PIBF1: variants seen among roughly 807,000 people sequenced by gnomAD.
PIBF1 encodes the protein progesterone-induced-blocking factor 1.
Under a neutral mutation model 112.5 loss-of-function variants are expected in PIBF1, and 90 were observed. The ratio of observed to expected loss-of-function variants is 0.80; its 90% CI spans 0.67 to 0.95. PIBF1 has a LOEUF of 0.95. PIBF1 is among the 40% of genes least tolerant of loss of function. The pLI is 0.00. For synonymous variants in PIBF1, 301 were observed against 288.6 expected, an observed-to-expected ratio of 1.04 and a Z score of -0.44; for missense variants, 915 against 852.3, an observed-to-expected ratio of 1.07 and a Z score of -0.92.
intron 12 of PIBF1, among the ~76,000 whole-genome samples, chr13:72,912,103 G>A (rs2040916428): frequency 6.6e-6 from 1 of 152,170 alleles, no homozygotes; most frequent in South Asian, 2.1e-4. Flanking sequence ...CTCTGAAAAA[G>A]CTGGAAAAGG....
At position 72,832,906 on chromosome 13, in the gene PIBF1, A is replaced by G. The variant is rs576077546; in HGVS notation, c.1098-2337A>G. On this transcript the variant is annotated intron_variant, in intron 8 of 17. Transcript: ENST00000326291. The stretch of plus-strand genomic sequence containing the variant: ...GTCCCCATCACTTTCAGGTACACCA[A>G]TCAAACGTATTTTTGTCTTTTCACG... 2.5e-4 allele frequency among the ~76,000 whole-genome samples: 16 copies of G among 64,172 alleles called. No homozygotes were observed. In the East Asian group the frequency reaches 4.9e-3, roughly 20 times the overall value. 42.1% of individuals were successfully genotyped at this position (64,172 alleles called of 152,430 possible).
chr13:73,001,609 G>T, intron 17 of PIBF1, among the ~76,000 whole-genome samples: 5 of 15,814 alleles, frequency 3.2e-4, no homozygotes, highest in Non-Finnish European at 5.2e-4. Context: ...TTGACACTTA[G>T]GTCTTCTTCT....
At chr13:72,927,597 G>T (rs2138743440) in intron 13 of PIBF1, among the ~76,000 whole-genome samples, 1 of 152,210 alleles carries the variant, frequency 6.6e-6, no homozygotes, top group Admixed American at 6.5e-5. Context: ...ATGTTGGCCA[G>T]GCTGGTCTCA....
intron 2 of PIBF1, among the ~76,000 whole-genome samples, chr13:72,790,459 ACACACTTATAGATAGAT>A (rs1316434433): frequency 4.1e-5 from 6 of 146,722 alleles, no homozygotes; most frequent in African/African-American, 1.3e-4. Context: ...ACACACACAC[ACACACTTATAGATAGAT>A]CACACACACC....
At chr13:72,783,159 C>A (rs1227582240) in intron 1 of PIBF1, among the ~76,000 whole-genome samples, 2 of 152,058 alleles carry the variant, frequency 1.3e-5, no homozygotes, top group Non-Finnish European at 2.9e-5. Flanking sequence ...CTTTTTTCTT[C>A]ATCTTGTACA....
intron 10 of PIBF1, among the ~76,000 whole-genome samples, chr13:72,855,553 GCACGAGAGT>G (rs927981261): frequency 2.6e-5 from 4 of 152,170 alleles, no homozygotes; most frequent in African/African-American, 9.6e-5. Context: ...GAAGGCTGAG[GCACGAGAGT>G]CACTTGAACC....
chr13:72,789,260 C>T (rs1461208130), intron 2 of PIBF1, among the ~76,000 whole-genome samples: 3 of 152,154 alleles, frequency 2.0e-5, no homozygotes, highest in Admixed American at 6.5e-5. Flanking sequence ...TCACAGCTCT[C>T]TGCAGCCTCA....
intron 13 of PIBF1, among the ~76,000 whole-genome samples, chr13:72,928,006 CATATATAT>C (rs34525341): frequency 4.2e-4 from 43 of 101,802 alleles, no homozygotes; most frequent in Admixed American, 2.1e-3. Flanking sequence ...CATATATATA[CATATATAT>C]ACATATATAT....
chr13:72,786,877 C>T (rs2034627031), intron 2 of PIBF1, among the ~76,000 whole-genome samples: 1 of 152,086 alleles, frequency 6.6e-6, no homozygotes, highest in African/African-American at 2.4e-5. Context: ...TAGAGTTAGC[C>T]TTCCATAATT....
intron 14 of PIBF1, among the ~76,000 whole-genome samples, chr13:72,961,928 T>C (rs910292592): frequency 6.6e-6 from 1 of 152,114 alleles, no homozygotes; most frequent in Non-Finnish European, 1.5e-5. Context: ...GTTAAGAGCA[T>C]TAAATAGTCA....
chr13:72,842,313 C>A (rs2037649813), intron 9 of PIBF1, among the ~76,000 whole-genome samples: 1 of 152,152 alleles, frequency 6.6e-6, no homozygotes, highest in South Asian at 2.1e-4. Context: ...ATTCATGATG[C>A]TCTTGATGCA....
intron 2 of PIBF1, among the ~76,000 whole-genome samples, chr13:72,788,696 TGA>T (rs1189854512): frequency 6.6e-6 from 1 of 152,168 alleles, no homozygotes; most frequent in African/African-American, 2.4e-5. Flanking sequence ...TTGTATAGCA[TGA>T]CCACCCCTAC....
intron 11 of PIBF1, among the ~76,000 whole-genome samples, chr13:72,895,739 A>AATTTTAGCTCCAGATTGTGG (rs1166992683): frequency 6.6e-6 from 1 of 152,124 alleles, no homozygotes; most frequent in East Asian, 1.9e-4. Flanking sequence ...CCAGATTGTG[A>AATTTTAGCTCCAGATTGTGG]ATTTTAGCTC....
chr13:72,881,994 C>T (rs1175211671), intron 10 of PIBF1, among the ~76,000 whole-genome samples: 2 of 151,816 alleles, frequency 1.3e-5, no homozygotes, highest in Non-Finnish European at 2.9e-5. Context: ...CTATCCTACG[C>T]AAAAAGAGCA....
intron 13 of PIBF1, among the ~76,000 whole-genome samples, chr13:72,926,989 T>A (rs971177187): frequency 6.6e-6 from 1 of 152,228 alleles, no homozygotes; most frequent in Admixed American, 6.5e-5. Flanking sequence ...AATGAATTAA[T>A]GAGTGTGTTT....
chr13:72,850,775 A>ATCTG (rs10635524), intron 9 of PIBF1, among the ~76,000 whole-genome samples: 95,969 of 151,608 alleles, frequency 0.63, 31,242 homozygotes, highest in African/African-American at 0.76. Context: ...AACTTTATCT[A>ATCTG]TAACATTAAT....
chr13:72,887,039 C>CTTTTTTTTTTTTT (rs747807659), intron 10 of PIBF1, among the ~76,000 whole-genome samples: 4 of 130,768 alleles, frequency 3.1e-5, no homozygotes, highest in Non-Finnish European at 3.3e-5. Context: ...TATAGTTTTT[C>CTTTTTTTTTTTTT]TTTTTTTTTT....
intron 5 of PIBF1, 48 bp downstream of exon 5, chr13:72,798,074 G>C: frequency 6.5e-7 from 1 of 1,543,322 alleles, no homozygotes; most frequent in Non-Finnish European, 8.7e-7. Flanking sequence ...GGCTTTTTCT[G>C]TAGAGTCCCT....
At chr13:72,937,804 A>G (rs2041910397) in intron 14 of PIBF1, among the ~76,000 whole-genome samples, 1 of 152,124 alleles carries the variant, frequency 6.6e-6, no homozygotes, top group African/African-American at 2.4e-5. Context: ...GAAAGAGTGA[A>G]ACTCCATCTC....
Sources: allele counts gnomAD v4.1 joint callset (sites outside exome capture counted in the v4.1 genomes callset), GRCh38; gene constraint gnomAD v4.1.1; transcripts MANE v1.5; gene names NCBI Gene and HGNC (gene_info 2026-07-23, HGNC 2026-07-21).